Variants in DSCAML1 observed in about 807,000 individuals in gnomAD.
DSCAML1 encodes the protein cell adhesion molecule DSCAML1.
Under a neutral mutation model 200.5 loss-of-function variants are expected in DSCAML1, and 38 were observed. The observed-to-expected ratio is 0.19, with a 90% CI of 0.15 to 0.25. The LOEUF is 0.25. Among genes scored for constraint, DSCAML1 ranks in the 10% least tolerant of loss-of-function variants. DSCAML1 has a pLI of 1.00. For missense variants in DSCAML1, 2,223 were observed against 2,858.8 expected (o/e 0.78, Z 5.07); for synonymous variants, 1,215 against 1,165.0 (o/e 1.04, Z -0.87).
chr11:117,587,262 C>CG (rs796303967), intron 3 of DSCAML1, among the ~76,000 whole-genome samples: 2 of 150,674 alleles, frequency 1.3e-5, no homozygotes, highest in Admixed American at 6.6e-5. Flanking sequence ...AACCCCCCCC[C>CG]ACGATTTAGA....
At chr11:117,716,800 T>C (rs1207525052) in intron 3 of DSCAML1, among the ~76,000 whole-genome samples, 1 of 152,124 alleles carries the variant, frequency 6.6e-6, no homozygotes, top group Non-Finnish European at 1.5e-5. Context: ...AATAGAGTGT[T>C]TTTGGAACAC....
intron 6 of DSCAML1, among the ~76,000 whole-genome samples, chr11:117,520,677 C>T (rs2049868072): frequency 6.6e-6 from 1 of 151,038 alleles, no homozygotes; most frequent in Non-Finnish European, 1.5e-5. Flanking sequence ...CGCTTCACCC[C>T]AGTTCAAGAC....
intron 3 of DSCAML1, among the ~76,000 whole-genome samples, chr11:117,735,746 G>A (rs563448839): frequency 1.3e-4 from 20 of 152,296 alleles, no homozygotes; most frequent in South Asian, 4.1e-4. Flanking sequence ...CCGGAGCTGC[G>A]TCCAGCGGGT....
intron 14 of DSCAML1, among the ~76,000 whole-genome samples, chr11:117,477,742 C>T (rs937632733): frequency 2.0e-5 from 3 of 152,190 alleles, no homozygotes; most frequent in Non-Finnish European, 4.4e-5. Flanking sequence ...ATGGGGAAGC[C>T]GTGCCATGCC....
At chr11:117,502,135 C>T (rs2049406648) in intron 11 of DSCAML1, among the ~76,000 whole-genome samples, 1 of 152,178 alleles carries the variant, frequency 6.6e-6, no homozygotes, top group Non-Finnish European at 1.5e-5. Flanking sequence ...AAAGTACAGG[C>T]CCGCCAGGGG....
Position 117,498,671 on chromosome 11 carries a change from G to A in DSCAML1, c.2359+5174C>T, listed in dbSNP as rs995257605. Among the ~76,000 whole-genome samples, 1 of 152,256 alleles carries A rather than the reference G, an allele frequency of 6.6e-6. No individual in the cohort carries two copies. The highest frequency in any genetic ancestry group is 1.9e-4 in the East Asian group (1 of 5,184). On this transcript the variant is annotated intron_variant, in intron 11 of 32. Coordinates refer to ENST00000651296, the MANE Select transcript of DSCAML1 (RefSeq NM_020693.4). This position sits in a 1 kb window ranked among gnomAD's most constrained non-coding sequence, Gnocchi z 4.0. ...CAGTCCCAGTGGCCAATCATGGTGG[G>A]TGACCTGGTCCACGGAGGCCCGAGG...
At chr11:117,674,021 A>G (rs999532960) in intron 3 of DSCAML1, among the ~76,000 whole-genome samples, 1 of 152,222 alleles carries the variant, frequency 6.6e-6, no homozygotes, top group Non-Finnish European at 1.5e-5. Flanking sequence ...CTCGAGGCTC[A>G]TTCCTGTGGT....
intron 6 of DSCAML1, 137 bp downstream of exon 6, chr11:117,520,993 G>T: frequency 8.5e-7 from 1 of 1,171,298 alleles, no homozygotes; most frequent in Non-Finnish European, 1.2e-6. Context: ...GGGCCCTTAG[G>T]GTGAGATGGT....
intron 3 of DSCAML1, among the ~76,000 whole-genome samples, chr11:117,595,983 T>C (rs2051356223): frequency 6.6e-6 from 1 of 152,182 alleles, no homozygotes; most frequent in Admixed American, 6.5e-5. Context: ...TTCTTTTTTG[T>C]TCTCTATTGT....
intron 11 of DSCAML1, among the ~76,000 whole-genome samples, chr11:117,499,256 G>A (rs925533534): frequency 2.0e-5 from 3 of 152,132 alleles, no homozygotes; most frequent in Non-Finnish European, 4.4e-5. Flanking sequence ...CTCTGTGGAC[G>A]TGGTATTTTC....
At chr11:117,536,385 C>A (rs1324719502) in intron 3 of DSCAML1, among the ~76,000 whole-genome samples, 1 of 152,216 alleles carries the variant, frequency 6.6e-6, no homozygotes, top group Non-Finnish European at 1.5e-5. Flanking sequence ...AGGCAACTAG[C>A]CATCCCTGGG....
At chr11:117,774,004 C>T (rs1353163218) in intron 3 of DSCAML1, among the ~76,000 whole-genome samples, 2 of 152,220 alleles carry the variant, frequency 1.3e-5, no homozygotes, top group African/African-American at 4.8e-5. Flanking sequence ...ACATCAAAGA[C>T]AGCCCTGAAG....
intron 3 of DSCAML1, among the ~76,000 whole-genome samples, chr11:117,718,956 TAAAGG>T (rs1008558455): frequency 3.3e-5 from 5 of 152,020 alleles, no homozygotes; most frequent in Admixed American, 1.3e-4. Flanking sequence ...AGACAAAACT[TAAAGG>T]GAAGAGAGAA....
intron 3 of DSCAML1, among the ~76,000 whole-genome samples, chr11:117,631,449 C>T (rs2052171921): frequency 6.6e-6 from 1 of 152,200 alleles, no homozygotes; most frequent in Admixed American, 6.5e-5. Flanking sequence ...TCACCTGGCA[C>T]ACCCCAAACA....
At chr11:117,459,307 G>C (rs2048434486) in intron 18 of DSCAML1, among the ~76,000 whole-genome samples, 2 of 152,246 alleles carry the variant, frequency 1.3e-5, no homozygotes, top group Non-Finnish European at 2.9e-5. Context: ...CCGTGCAGGA[G>C]GCACAGCTCA....
chr11:117,467,841 C>A (rs2048614105), intron 16 of DSCAML1, among the ~76,000 whole-genome samples: 1 of 152,144 alleles, frequency 6.6e-6, no homozygotes, highest in Non-Finnish European at 1.5e-5. Context: ...TTCACATCGA[C>A]CCCCATTCTC....
At chr11:117,451,471 C>T (rs2048282493) in intron 19 of DSCAML1, among the ~76,000 whole-genome samples, 1 of 152,226 alleles carries the variant, frequency 6.6e-6, no homozygotes, top group African/African-American at 2.4e-5. Flanking sequence ...GCCTCCGTTT[C>T]CCTATCTATA....
chr11:117,675,330 C>T (rs1438626050), intron 3 of DSCAML1, among the ~76,000 whole-genome samples: 1 of 152,158 alleles, frequency 6.6e-6, no homozygotes, highest in African/African-American at 2.4e-5. Context: ...CAGGATCTCG[C>T]TCTGTTGCTC....
intron 3 of DSCAML1, among the ~76,000 whole-genome samples, chr11:117,603,688 T>G (rs115400582): frequency 8.4e-4 from 128 of 152,344 alleles, no homozygotes; most frequent in African/African-American, 2.9e-3. Context: ...GGGAGATCAA[T>G]TCCTCTCTTC....
Sources: allele counts gnomAD v4.1 joint callset (sites outside exome capture counted in the v4.1 genomes callset), GRCh38; gene constraint gnomAD v4.1.1; non-coding constraint Gnocchi (gnomAD v3.1); transcripts MANE v1.5; gene names NCBI Gene and HGNC (gene_info 2026-07-23, HGNC 2026-07-21).